The following HBEGF variants were observed in gnomAD, a reference collection of about 807,000 sequenced individuals.
The protein encoded by HBEGF is proheparin-binding EGF-like growth factor.
Under a neutral mutation model 19.5 loss-of-function variants are expected in HBEGF, and 8 were observed. The observed-to-expected ratio is 0.41, with a 90% CI of 0.24 to 0.74. HBEGF has a LOEUF of 0.74. Ranked by LOEUF, HBEGF falls within the 30% of genes least tolerant of loss-of-function variation. The pLI is 0.32. For synonymous variants in HBEGF, 97 were observed against 108.9 expected, an observed-to-expected ratio of 0.89 and a Z score of 0.68; for missense variants, 207 against 256.9, an observed-to-expected ratio of 0.81 and a Z score of 1.33.
intron 2 of HBEGF, among the ~76,000 whole-genome samples, chr5:140,345,366 C>T (rs1039024197): frequency 6.6e-6 from 1 of 152,156 alleles, no homozygotes; most frequent in African/African-American, 2.4e-5. Context: ...AATACAGCCC[C>T]CTAGGGGCTC....
chr5:140,339,723 T>C (rs1766279675), intron 3 of HBEGF, among the ~76,000 whole-genome samples: 1 of 152,126 alleles, frequency 6.6e-6, no homozygotes, highest in Non-Finnish European at 1.5e-5. Flanking sequence ...AACTTTTGGC[T>C]GGTGACACAA....
chr5:140,337,356 T>G (rs1384500019), intron 3 of HBEGF, among the ~76,000 whole-genome samples: 1 of 152,182 alleles, frequency 6.6e-6, no homozygotes, highest in Non-Finnish European at 1.5e-5. Flanking sequence ...GACTCTGAGC[T>G]CAGTGTGCTG....
chr5:140,335,401 A>G (rs1239375300), intron 4 of HBEGF, among the ~76,000 whole-genome samples: 1 of 145,324 alleles, frequency 6.9e-6, no homozygotes. Flanking sequence ...AAAAAAAAAA[A>G]AGAAAGAAAG....
chr5:140,334,559 GC>G lies in HBEGF; in HGVS notation c.*18+98del. 4.9e-6 allele frequency: 4 copies of G among 809,800 alleles called. No homozygotes were observed. In the Admixed American group the frequency reaches 7.2e-5, roughly 15 times the overall value. 50.2% of individuals were successfully genotyped at this position (809,800 alleles called of 1,614,324 possible). A position where few individuals can be genotyped will look rare whatever the true frequency, so the allele number is the denominator to read the frequency against. On this transcript the variant is annotated intron_variant, in intron 5 of 5. Transcript: ENST00000230990. The stretch of plus-strand genomic sequence containing the variant: ...GGGATATTAATGTCACAGTAGCCTG[GC>G]CCCCAACCCCTATATGAAGAATTCA...
At chr5:140,344,772 G>A (rs1333492964) in intron 2 of HBEGF, among the ~76,000 whole-genome samples, 4 of 151,304 alleles carry the variant, frequency 2.6e-5, no homozygotes, top group Non-Finnish European at 5.9e-5. Context: ...GGAGGGAGAA[G>A]GTGCAGGGTG....
chr5:140,345,814 C>T (rs1385121748), intron 2 of HBEGF, 97 bp downstream of exon 2: 1 of 1,470,738 alleles, frequency 6.8e-7, no homozygotes. Context: ...CCATGAATAC[C>T]CTCAACCCAC....
chr5:140,339,950 G>A (rs770100759), intron 3 of HBEGF, among the ~76,000 whole-genome samples: 2 of 152,126 alleles, frequency 1.3e-5, no homozygotes, highest in African/African-American at 2.4e-5. Flanking sequence ...GAGTAGCAAG[G>A]GCAGGAGGCA....
At chr5:140,334,574 A>G in intron 5 of HBEGF, 84 bp downstream of exon 5, 1 of 901,702 alleles carries the variant, frequency 1.1e-6, no homozygotes, top group Non-Finnish European at 1.9e-6. Context: ...CAACCCCTAT[A>G]TGAAGAATTC....
chr5:140,340,602 A>AAAG (rs1766295345), intron 3 of HBEGF, among the ~76,000 whole-genome samples: 2 of 146,836 alleles, frequency 1.4e-5, no homozygotes, highest in African/African-American at 5.1e-5. Flanking sequence ...AAAAAAAAAA[A>AAAG]AAAGAAAGAA....
In HBEGF at chr5:140,334,742, A is replaced by G; in HGVS notation, c.561T>C (p.His187=). 1 of 1,612,386 alleles carries G rather than the reference A, an allele frequency of 6.2e-7. No homozygotes were observed. Among genetic ancestry groups the G allele is most frequent in the Admixed American group, 1.7e-5 (1 of 60,018 alleles). The change falls in exon 5 of 6, where the codon CAT becomes CAC. Residue 187 remains histidine, a synonymous_variant. Coordinates refer to ENST00000230990, the MANE Select transcript of HBEGF (RefSeq NM_001945.3). ...VIVGLLMFRY[H]RRGGYDVENE... ...TTTCCACATCATAACCTCCTCTCCT[A>G]TGGTACCTGAGGAAGATAAGTTTTG...
chr5:140,338,832 C>A (rs1766265899), intron 3 of HBEGF, among the ~76,000 whole-genome samples: 1 of 152,184 alleles, frequency 6.6e-6, no homozygotes, highest in South Asian at 2.1e-4. Context: ...GATGCAAGAA[C>A]CCTCTAGGGT....
intron 3 of HBEGF, among the ~76,000 whole-genome samples, chr5:140,342,037 G>A (rs1294040549): frequency 6.6e-6 from 1 of 152,152 alleles, no homozygotes; most frequent in Non-Finnish European, 1.5e-5. Flanking sequence ...CTCTCACAAC[G>A]TGGCCAAAGG....
chr5:140,340,123 C>G (rs949124564), intron 3 of HBEGF, among the ~76,000 whole-genome samples: 3 of 151,502 alleles, frequency 2.0e-5, no homozygotes, highest in African/African-American at 7.3e-5. Context: ...CCCATCTCCA[C>G]AAAAATTTAA....
chr5:140,346,153 C>T lies in HBEGF; in HGVS notation c.47-69G>A. ...CCTGACCAACACGCACCGATGCCGACGCCCGTCCGCCAGAGCGCAAGGGCC... is the reference window on the plus strand; with the variant it reads ...CCTGACCAACACGCACCGATGCCGATGCCCGTCCGCCAGAGCGCAAGGGCC... On this transcript the variant is annotated intron_variant, in intron 1 of 5. Transcript: ENST00000230990. This position sits in a 1 kb window ranked among gnomAD's most constrained non-coding sequence, Gnocchi z 6.1. The T allele has an allele frequency of 1.3e-6, 2 of 1,564,942 alleles. No homozygotes were observed. Among genetic ancestry groups the T allele is most frequent in the South Asian group, 2.3e-5 (2 of 87,194 alleles).
chr5:140,345,460 G>A (rs1359777762), intron 2 of HBEGF, among the ~76,000 whole-genome samples: 26 of 152,210 alleles, frequency 1.7e-4, no homozygotes, highest in Admixed American at 1.7e-3. Flanking sequence ...ACAGGTGGAT[G>A]GAGGAGGCCA....
At chr5:140,340,582 C>CAAAAA (rs61489261) in intron 3 of HBEGF, among the ~76,000 whole-genome samples, 78 of 59,764 alleles carry the variant, frequency 1.3e-3, no homozygotes, top group Admixed American at 1.7e-3. Context: ...GACTCTGTCT[C>CAAAAA]AAAAAAAAAA....
At chr5:140,342,562 G>C in intron 3 of HBEGF, 73 bp downstream of exon 3, 2 of 1,381,952 alleles carry the variant, frequency 1.4e-6, no homozygotes, top group Non-Finnish European at 2.0e-6. Flanking sequence ...TCAAGGAACA[G>C]TGACAACGAG....
In HBEGF at chr5:140,346,367, T is replaced by A; in HGVS notation, c.-39A>T. Reference sequence around the variant, plus strand: ...GAGGAGGCGGCGAGGCACCAGTCACTTTCGAAGCGGCGGCCACTGGGCGCT... The same window carrying A: ...GAGGAGGCGGCGAGGCACCAGTCACATTCGAAGCGGCGGCCACTGGGCGCT... On this transcript the variant is annotated 5_prime_UTR_variant, in exon 1 of 6. In the 5' UTR this introduces an upstream ATG that the reference lacks. Coordinates refer to ENST00000230990, the MANE Select transcript of HBEGF (RefSeq NM_001945.3). The surrounding 1 kb of genome is among the most constrained non-coding windows in gnomAD (Gnocchi z 6.1). The A allele has an allele frequency of 1.9e-6, 3 of 1,593,906 alleles. No homozygotes were observed. Among genetic ancestry groups the A allele is most frequent in the Non-Finnish European group, 2.6e-6 (3 of 1,171,292 alleles).
rs893371272 is a variant in HBEGF at position 140,333,635 on chromosome 5, A to T, written c.*664T>A. ...GCCAAAGTAACAGTCTAGGCACTTG[A>T]AATATTATTGTTAGATTGTTAAAAA... On this transcript the variant is annotated 3_prime_UTR_variant, in exon 6 of 6. Transcript: ENST00000230990. 6.5e-6 allele frequency: 1 copy of T among 152,676 alleles called. No individual in the cohort carries two copies. Among genetic ancestry groups the T allele is most frequent in the Non-Finnish European group, 1.5e-5 (1 of 68,048 alleles). 9.5% of individuals were successfully genotyped at this position (152,676 alleles called of 1,614,324 possible). A position where few individuals can be genotyped will look rare whatever the true frequency, so the allele number is the denominator to read the frequency against.
Sources: allele counts gnomAD v4.1 joint callset (sites outside exome capture counted in the v4.1 genomes callset), GRCh38; gene constraint gnomAD v4.1.1; non-coding constraint Gnocchi (gnomAD v3.1); transcripts MANE v1.5; gene names NCBI Gene and HGNC (gene_info 2026-07-23, HGNC 2026-07-21).